The following CORIN variants were observed in gnomAD, a reference collection of about 807,000 sequenced individuals.
CORIN encodes the protein corin, serine peptidase, also known as atrial natriuretic peptide-converting enzyme.
Under a neutral mutation model 125.3 loss-of-function variants are expected in CORIN, and 117 were observed. The ratio of observed to expected loss-of-function variants is 0.93; its 90% confidence interval spans 0.80 to 1.09. The LOEUF is 1.09. Ranked by LOEUF, CORIN falls within the 50% of genes least tolerant of loss-of-function variation. CORIN has a pLI of 0.00. For synonymous variants in CORIN, 450 were observed against 466.4 expected (o/e 0.96, Z 0.45); for missense variants, 1,253 against 1,306.7 (o/e 0.96, Z 0.63).
At chr4:47,738,621 A>G (rs1396597696) in intron 5 of CORIN, among the ~76,000 whole-genome samples, 2 of 152,206 alleles carry the variant, frequency 1.3e-5, no homozygotes, top group African/African-American at 2.4e-5. Context: ...ACATTATATT[A>G]TTTTAAATGT....
At chr4:47,751,056 T>C (rs1022684216) in intron 4 of CORIN, among the ~76,000 whole-genome samples, 11 of 152,228 alleles carry the variant, frequency 7.2e-5, no homozygotes, top group Non-Finnish European at 2.9e-5. Flanking sequence ...GGTTTTGTTG[T>C]TGGTTTGTTT....
chr4:47,676,131 A>G (rs1482265755), intron 9 of CORIN, among the ~76,000 whole-genome samples: 1 of 152,132 alleles, frequency 6.6e-6, no homozygotes, highest in African/African-American at 2.4e-5. Context: ...AGCAAGACCC[A>G]AAGTCTCCAG....
chr4:47,713,144 T>A (rs1034768927), intron 5 of CORIN, among the ~76,000 whole-genome samples: 1 of 152,092 alleles, frequency 6.6e-6, no homozygotes, highest in East Asian at 1.9e-4. Context: ...AAAGAGATAA[T>A]GGAAAAATCT....
chr4:47,649,175 A>C (rs997098316), intron 13 of CORIN, among the ~76,000 whole-genome samples: 1 of 152,198 alleles, frequency 6.6e-6, no homozygotes, highest in Non-Finnish European at 1.5e-5. Context: ...TGCTCTTCAC[A>C]TATGGGTGGC....
chr4:47,637,785 A>C (rs1723086025), intron 16 of CORIN, among the ~76,000 whole-genome samples: 1 of 152,234 alleles, frequency 6.6e-6, no homozygotes, highest in African/African-American at 2.4e-5. Context: ...GCAGTGTGGA[A>C]GGGAAATGTG....
chr4:47,811,066 C>T (rs1480458079), intron 1 of CORIN, among the ~76,000 whole-genome samples: 1 of 152,142 alleles, frequency 6.6e-6, no homozygotes. Flanking sequence ...ATAGATGCTA[C>T]ATTATAGTAA....
At chr4:47,795,148 T>C (rs1041516106) in intron 2 of CORIN, among the ~76,000 whole-genome samples, 1 of 152,182 alleles carries the variant, frequency 6.6e-6, no homozygotes, top group African/African-American at 2.4e-5. Context: ...CATTGGTCTA[T>C]ATGTCTGTTT....
chr4:47,618,299 A>C (rs1308590075), intron 19 of CORIN, among the ~76,000 whole-genome samples: 1 of 146,608 alleles, frequency 6.8e-6, no homozygotes, highest in African/African-American at 2.5e-5. Flanking sequence ...ATGCCACTTC[A>C]CTCCAGCTTG....
intron 5 of CORIN, among the ~76,000 whole-genome samples, chr4:47,711,357 C>T (rs751659364): frequency 1.3e-5 from 2 of 152,236 alleles, no homozygotes; most frequent in Non-Finnish European, 2.9e-5. Context: ...TTTCCCAGTT[C>T]CCTTTGTGAT....
In CORIN at chr4:47,661,801, G is replaced by A. The variant is rs1364045680; in HGVS notation, c.1645C>T (p.Leu549=). Residue 549 remains leucine (L), a synonymous_variant, in exon 12 of 22, where the codon CTA becomes TTA. Coordinates refer to ENST00000273857, the MANE Select transcript of CORIN (RefSeq NM_006587.4). ...CAATCTGTGTCTTCAGGCCACTGTA[G>A]GCCCACAATCCCAAGAACAGACTCA... ...RCESVLGIVG[L]QWPEDTDCSQ... is the part of the protein sequence containing the mutation. The A allele has an allele frequency of 1.9e-6, 3 of 1,613,554 alleles. No homozygotes were observed. Among genetic ancestry groups the A allele is most frequent in the Non-Finnish European group, 2.5e-6 (3 of 1,179,674 alleles).
chr4:47,738,803 T>C lies in CORIN; in HGVS notation c.799+5599A>G, dbSNP rs538721760. Among the ~76,000 whole-genome samples the C allele has an allele frequency of 7.2e-5, 11 of 152,076 alleles. No individual in the cohort carries two copies. In the South Asian group the frequency reaches 2.1e-3, roughly 29 times the overall value. ...CTCATTCAAAGAACTAAGGAACACA[T>C]TTCTAGAGAACTAAAGGGAAGTATA... On this transcript the variant is annotated intron_variant, in intron 5 of 21. Coordinates refer to ENST00000273857, the MANE Select transcript of CORIN (RefSeq NM_006587.4).
At chr4:47,736,289 A>G (rs950493415) in intron 5 of CORIN, among the ~76,000 whole-genome samples, 2 of 152,184 alleles carry the variant, frequency 1.3e-5, no homozygotes, top group Non-Finnish European at 2.9e-5. Context: ...CAACGTGTGA[A>G]AAAGAAAACA....
intron 4 of CORIN, among the ~76,000 whole-genome samples, chr4:47,763,085 C>T (rs1729542624): frequency 6.6e-6 from 1 of 152,136 alleles, no homozygotes; most frequent in African/African-American, 2.4e-5. Flanking sequence ...CTTCAAGAAA[C>T]TCTCTTATCA....
chr4:47,623,614 T>C lies in CORIN; in HGVS notation c.2497A>G (p.Ile833Val). Residue 833 changes from isoleucine to valine, a missense_variant, in exon 19 of 22, where the codon ATT becomes GTT. By Grantham distance (29) the Ile-to-Val change is conservative. Transcript: ENST00000273857. The part of the protein sequence containing the change: ...PSGHICGCVL[I>V]AKKWVLTVAH... ...ACTGTCAGAACCCACTTCTTGGCAA[T>C]GAGGACACAGCCACAGATATGTCCA... 1 of 1,614,174 alleles carries C rather than the reference T, an allele frequency of 6.2e-7. No individual in the cohort carries two copies. The highest frequency in any genetic ancestry group is 2.2e-5 in the East Asian group (1 of 44,878).
At chr4:47,621,192 C>A (rs80353385) in intron 19 of CORIN, among the ~76,000 whole-genome samples, 1 of 152,116 alleles carries the variant, frequency 6.6e-6, no homozygotes, top group Non-Finnish European at 1.5e-5. Context: ...ACTGATGGCT[C>A]TGGGCAACCA....
rs952765692 is a variant in CORIN, at chr4:47,623,706, A to G, written c.2405T>C (p.Ile802Thr). The change falls in exon 19 of 22, where the codon ATC (isoleucine) becomes ACC (threonine). Residue 802 changes from isoleucine to threonine, a missense_variant. Ile to Thr is a moderately conservative substitution (Grantham distance 89). Transcript: ENST00000273857. The part of the protein sequence containing the change: ...RRPAARMNKR[I>T]LGGRTSRPGR... ...AGGGCGACTCGTCCGACCTCCAAGG[A>G]TCCTTTTGTTCATTCGGGCAGCAGG... 11 of 1,614,088 alleles carry G rather than the reference A, an allele frequency of 6.8e-6. No homozygotes were observed. The highest frequency in any genetic ancestry group is 9.3e-6 in the Non-Finnish European group (11 of 1,180,038).
rs757102291 is a variant in CORIN, at chr4:47,603,483, C to T, written c.2726G>A (p.Arg909Gln). The change falls in exon 20 of 22, where the codon CGG becomes CAG. Residue 909 changes from arginine to glutamine, a missense_variant. Coordinates refer to ENST00000273857, the MANE Select transcript of CORIN (RefSeq NM_006587.4). ...CTCCGGGTTGGGCAAGCAGACAGGC[C>T]GGACGTAGCCAGTCTCACTGATGTC... is the stretch of plus-strand genomic sequence containing the variant. ...SEDISETGYV[R>Q]PVCLPNPEQW... The T allele has an allele frequency of 9.9e-6, 16 of 1,614,106 alleles. No homozygotes were observed. Among genetic ancestry groups the T allele is most frequent in the African/African-American group, 1.3e-5 (1 of 75,024 alleles).
intron 1 of CORIN, among the ~76,000 whole-genome samples, chr4:47,822,885 G>A (rs963590008): frequency 2.7e-5 from 4 of 150,634 alleles, no homozygotes; most frequent in African/African-American, 7.4e-5. Context: ...GTGCGATATC[G>A]GCTCACTGCA....
intron 3 of CORIN, among the ~76,000 whole-genome samples, chr4:47,775,589 T>C (rs1001794340): frequency 4.6e-5 from 7 of 152,138 alleles, no homozygotes; most frequent in African/African-American, 9.7e-5. Flanking sequence ...GGTGTATATA[T>C]GCCACATTTT....
Sources: gnomAD v4.1 joint callset for allele counts (sites outside exome capture counted in the v4.1 genomes callset) on GRCh38, gnomAD v4.1.1 for gene constraint, MANE v1.5 for transcripts, NCBI Gene and HGNC (gene_info 2026-07-23, HGNC 2026-07-21) for gene names.